Variants in SCP2 observed in about 807,000 individuals in gnomAD.
The protein encoded by SCP2 is sterol carrier protein 2, also known as SCP-2/3-oxoacyl-CoA thiolase.
Under a neutral mutation model 71.4 loss-of-function variants are expected in SCP2, and 48 were observed. That is an observed-to-expected ratio of 0.67 (90% CI 0.53 to 0.86). The LOEUF is 0.86. Ranked by LOEUF, SCP2 falls within the 40% of genes least tolerant of loss-of-function variation. SCP2 has a pLI of 0.00. For missense variants in SCP2, 560 were observed against 655.6 expected (o/e 0.85, Z 1.59); for synonymous variants, 220 against 218.1 (o/e 1.01, Z -0.08).
intron 11 of SCP2, among the ~76,000 whole-genome samples, chr1:53,013,228 T>A (rs954557437): frequency 1.3e-5 from 2 of 150,838 alleles, no homozygotes; most frequent in Non-Finnish European, 3.0e-5. Context: ...CCATCCTCCT[T>A]CCTCAGCCTC....
intron 5 of SCP2, among the ~76,000 whole-genome samples, chr1:52,960,359 C>T (rs181746584): frequency 4.6e-5 from 7 of 151,678 alleles, no homozygotes; most frequent in Admixed American, 6.6e-5. Context: ...TTTGCAGAGA[C>T]GGAATCTTGC....
chr1:52,970,691 T>A (rs1287980743), intron 6 of SCP2, among the ~76,000 whole-genome samples: 1 of 152,102 alleles, frequency 6.6e-6, no homozygotes, highest in Non-Finnish European at 1.5e-5. Context: ...TTCTTGGTAG[T>A]TTAGAGCAGT....
chr1:53,041,887 G>A (rs1333078986), intron 14 of SCP2, among the ~76,000 whole-genome samples: 1 of 152,190 alleles, frequency 6.6e-6, no homozygotes, highest in Non-Finnish European at 1.5e-5. Context: ...CTCTGCAAGG[G>A]TAGTTAAATA....
intron 13 of SCP2, among the ~76,000 whole-genome samples, 173 bp from the exon 14 acceptor site, chr1:53,038,744 A>AGTT (rs923671339): frequency 2.9e-4 from 44 of 152,102 alleles, no homozygotes; most frequent in African/African-American, 9.9e-4. Flanking sequence ...CAGATGTGGG[A>AGTT]GTTGTTGCCT....
chr1:52,961,206 T>A (rs1656411087), intron 5 of SCP2, among the ~76,000 whole-genome samples: 1 of 151,690 alleles, frequency 6.6e-6, no homozygotes, highest in African/African-American at 2.4e-5. Flanking sequence ...TAGGTATATC[T>A]CCTAATGCTA....
chr1:52,959,568 G>A (rs185688680), intron 5 of SCP2, among the ~76,000 whole-genome samples: 2 of 151,768 alleles, frequency 1.3e-5, no homozygotes, highest in African/African-American at 2.4e-5. Flanking sequence ...ATTTCTTTAT[G>A]GGAAAGTTTT....
chr1:53,018,261 A>G (rs888665619), intron 12 of SCP2, among the ~76,000 whole-genome samples: 8 of 152,152 alleles, frequency 5.3e-5, no homozygotes, highest in Non-Finnish European at 1.2e-4. Flanking sequence ...AGATTTACCA[A>G]TTGTTGACAT....
intron 14 of SCP2, among the ~76,000 whole-genome samples, chr1:53,039,980 T>A (rs1572228078): frequency 6.6e-6 from 1 of 152,320 alleles, no homozygotes; most frequent in East Asian, 1.9e-4. Context: ...ATTGGTAAAT[T>A]GCTCCTGTGT....
chr1:53,021,697 T>C (rs573631122), intron 12 of SCP2, among the ~76,000 whole-genome samples: 13 of 147,080 alleles, frequency 8.8e-5, no homozygotes, highest in South Asian at 8.7e-4. Flanking sequence ...CAGGCTGGAG[T>C]GCAGCAGTAT....
intron 10 of SCP2, among the ~76,000 whole-genome samples, chr1:52,981,668 G>A (rs1033373919): frequency 1.9e-4 from 29 of 151,842 alleles, no homozygotes; most frequent in African/African-American, 6.8e-4. Flanking sequence ...CTGGCTTCAA[G>A]TGATCCACCC....
At chr1:52,946,679 A>G (rs1223900174) in intron 2 of SCP2, among the ~76,000 whole-genome samples, 1 of 151,848 alleles carries the variant, frequency 6.6e-6, no homozygotes, top group Non-Finnish European at 1.5e-5. Flanking sequence ...TCTGTAACCA[A>G]TTACTTCATA....
intron 10 of SCP2, among the ~76,000 whole-genome samples, chr1:52,987,006 A>ATAT (rs1386745740): frequency 8.1e-5 from 9 of 110,488 alleles, no homozygotes; most frequent in East Asian, 2.4e-4. Flanking sequence ...ATATATATAT[A>ATAT]TTTTTTTTTT....
rs183233819 is a variant in SCP2, at chr1:53,036,378, A to G, written c.1339-2539A>G. Among the ~76,000 whole-genome samples, 621 of 150,108 alleles carry G rather than the reference A, an allele frequency of 4.1e-3. 5 individuals are homozygous for G. The highest frequency in any genetic ancestry group is 0.014 in the African/African-American group (596 of 41,198). Reference sequence around the variant, plus strand: ...TGCTGTGAATAACATTCTCATATCTAAATATTTTTACAGAGCCTCATTTAT... The same window carrying G: ...TGCTGTGAATAACATTCTCATATCTGAATATTTTTACAGAGCCTCATTTAT... On this transcript the variant is annotated intron_variant, in intron 13 of 15. Transcript: ENST00000371514.
chr1:52,945,132 A>AT (rs1448814522), intron 2 of SCP2, among the ~76,000 whole-genome samples: 1 of 152,024 alleles, frequency 6.6e-6, no homozygotes, highest in Admixed American at 6.6e-5. Flanking sequence ...CTATTTTAGC[A>AT]TTTTTCCCCT....
intron 7 of SCP2, among the ~76,000 whole-genome samples, chr1:52,975,370 AG>A (rs1657872432): frequency 1.3e-5 from 2 of 152,204 alleles, no homozygotes; most frequent in South Asian, 4.1e-4. Flanking sequence ...TAGTAGAGAC[AG>A]GGTTTCACCA....
At position 52,995,860 on chromosome 1, in the gene SCP2, C is replaced by A. The variant is rs147420560; in HGVS notation, c.1081+7724C>A. Reference sequence around the variant, plus strand: ...TGGAGCAGTTCACTGCCATGTTCCCCTGGAAGGCCTTCCTCCACTGGTACA... The same window carrying A: ...TGGAGCAGTTCACTGCCATGTTCCCATGGAAGGCCTTCCTCCACTGGTACA... On this transcript the variant is annotated intron_variant, in intron 11 of 15. Coordinates refer to ENST00000371514, the MANE Select transcript of SCP2 (RefSeq NM_002979.5). The A allele has an allele frequency of 1.1e-5, 15 of 1,317,714 alleles. No homozygotes were observed. In the African/African-American group the frequency reaches 1.9e-4, roughly 17 times the overall value. 81.6% of individuals were successfully genotyped at this position (1,317,714 alleles called of 1,614,324 possible).
At position 53,015,051 on chromosome 1, in the gene SCP2, A is replaced by C; in HGVS notation, c.1235+8A>C. ...TTTTCCGGAAGCCGCCAGGTGAGTG[A>C]CATTCAGAGTTTTGTGTGTCAGTTA... On this transcript the variant is annotated splice_region_variant and intron_variant, in intron 12 of 15. Transcript: ENST00000371514. 2.5e-6 allele frequency: 4 copies of C among 1,613,754 alleles called. No individual in the cohort carries two copies. Among genetic ancestry groups the C allele is most frequent in the Non-Finnish European group, 3.4e-6 (4 of 1,179,632 alleles).
chr1:52,985,304 C>G (rs1217986504), intron 10 of SCP2, among the ~76,000 whole-genome samples: 1 of 152,148 alleles, frequency 6.6e-6, no homozygotes, highest in Admixed American at 6.5e-5. Flanking sequence ...AAACTTTCTC[C>G]TCCCTCAGTC....
At chr1:52,963,172 A>T (rs1572097790) in intron 6 of SCP2, among the ~76,000 whole-genome samples, 1 of 152,104 alleles carries the variant, frequency 6.6e-6, no homozygotes, top group South Asian at 2.1e-4. Flanking sequence ...CCTCTTTCTT[A>T]GATAGCTTCA....
Sources: gnomAD v4.1 joint callset for allele counts (sites outside exome capture counted in the v4.1 genomes callset) on GRCh38, gnomAD v4.1.1 for gene constraint, MANE v1.5 for transcripts, NCBI Gene and HGNC (gene_info 2026-07-23, HGNC 2026-07-21) for gene names.